PARN: variants seen among roughly 807,000 people sequenced by gnomAD.
The protein encoded by PARN is poly(A)-specific ribonuclease.
In PARN, 71 loss-of-function variants were observed where a neutral mutation model predicts 102.8. The ratio of observed to expected loss-of-function variants is 0.69; its 90% CI spans 0.57 to 0.84. The LOEUF is 0.84. Ranked by LOEUF, PARN falls within the 40% of genes least tolerant of loss-of-function variation. The pLI, the probability that PARN is intolerant of heterozygous loss-of-function variation, is 0.00. For missense variants in PARN, 782 were observed against 760.9 expected (o/e 1.03, Z -0.33); for synonymous variants, 261 against 252.9 (o/e 1.03, Z -0.30).
intron 22 of PARN, among the ~76,000 whole-genome samples, chr16:14,471,877 C>T (rs1962765492): frequency 6.6e-6 from 1 of 152,192 alleles, no homozygotes; most frequent in African/African-American, 2.4e-5. Flanking sequence ...TTACAATTTG[C>T]TTGAAGCAAA....
At chr16:14,537,794 G>A (rs780922518) in intron 21 of PARN, among the ~76,000 whole-genome samples, 1 of 152,120 alleles carries the variant, frequency 6.6e-6, no homozygotes, top group Non-Finnish European at 1.5e-5. Context: ...GGAAGAGGAG[G>A]ATAGAGAGAC....
intron 21 of PARN, among the ~76,000 whole-genome samples, chr16:14,544,117 G>A (rs547242592): frequency 3.3e-5 from 5 of 152,062 alleles, no homozygotes; most frequent in Admixed American, 2.6e-4. Context: ...GCTTGAACCC[G>A]GGAGGTGGAG....
intron 13 of PARN, among the ~76,000 whole-genome samples, chr16:14,588,416 C>T (rs775467801): frequency 4.6e-5 from 7 of 152,214 alleles, no homozygotes; most frequent in South Asian, 2.1e-4. Context: ...GTGACAGGAA[C>T]GGAGCCATAC....
chr16:14,514,948 G>A (rs1965387953), intron 21 of PARN, among the ~76,000 whole-genome samples: 1 of 152,166 alleles, frequency 6.6e-6, no homozygotes, highest in South Asian at 2.1e-4. Context: ...CAGATGCCAA[G>A]GTGAAGCTAA....
chr16:14,501,430 C>T, intron 21 of PARN: 1 of 8,034 alleles, frequency 1.2e-4, no homozygotes, highest in African/African-American at 3.4e-4. Flanking sequence ...CAAAGCAAGA[C>T]TGTCCAAAAA....
intron 22 of PARN, among the ~76,000 whole-genome samples, chr16:14,470,132 C>T (rs372448324): frequency 3.3e-5 from 5 of 151,946 alleles, no homozygotes; most frequent in African/African-American, 7.3e-5. Context: ...AACATGAAAG[C>T]GTTCTAACAC....
chr16:14,436,624 T>C lies in PARN; in HGVS notation c.*93A>G, dbSNP rs1195575978. On this transcript the variant is annotated 3_prime_UTR_variant, in exon 24 of 24. Coordinates refer to ENST00000437198, the MANE Select transcript of PARN (RefSeq NM_002582.4). The stretch of plus-strand genomic sequence containing the variant: ...GTTTCCAACCCCTCCCATACCACAT[T>C]TGATTAAGTTAAATACAGTGCGGCT... The C allele has an allele frequency of 3.3e-6, 3 of 901,066 alleles. No homozygotes were observed. In the African/African-American group the frequency reaches 5.0e-5, roughly 15 times the overall value. The allele number at this position is 901,066 out of a possible 1,614,324, so 55.8% of individuals were successfully genotyped here. A position where few individuals can be genotyped will look rare whatever the true frequency, so the allele number is the denominator to read the frequency against.
At position 14,606,526 on chromosome 16, in the gene PARN, C is replaced by T. The variant is rs1172010383; in HGVS notation, c.660G>A (p.Lys220=). Residue 220 remains lysine, a splice_region_variant and synonymous_variant, in exon 10 of 24, where the codon AAG becomes AAA. Coordinates refer to ENST00000437198, the MANE Select transcript of PARN (RefSeq NM_002582.4). ...RKLIYQTLSW[K]YPKGIHVETL... ...TCTCAACATGAATGCCTTTCGGATA[C>T]CTAAAGAAAAGAAAAACATAGTATC... 6.4e-7 allele frequency: 1 copy of T among 1,559,296 alleles called. No individual in the cohort carries two copies. Among genetic ancestry groups the T allele is most frequent in the Non-Finnish European group, 8.8e-7 (1 of 1,141,586 alleles).
intron 21 of PARN, among the ~76,000 whole-genome samples, chr16:14,498,122 CAA>C (rs34124932): frequency 2.5e-4 from 11 of 44,892 alleles, no homozygotes; most frequent in Admixed American, 2.1e-4. Flanking sequence ...GACTCCATCT[CAA>C]AAAAAAAAAA....
intron 23 of PARN, among the ~76,000 whole-genome samples, chr16:14,439,872 G>A (rs887710661): frequency 2.0e-5 from 3 of 152,072 alleles, no homozygotes; most frequent in African/African-American, 7.2e-5. Flanking sequence ...AAAATTAGCT[G>A]GGCGTGGTGG....
chr16:14,515,460 G>A (rs1965412931), intron 21 of PARN, among the ~76,000 whole-genome samples: 1 of 152,026 alleles, frequency 6.6e-6, no homozygotes, highest in South Asian at 2.1e-4. Flanking sequence ...GCAGTAAAAA[G>A]AAAGGAAAAC....
intron 21 of PARN, among the ~76,000 whole-genome samples, chr16:14,490,541 G>A (rs994900114): frequency 2.0e-5 from 3 of 152,130 alleles, no homozygotes; most frequent in Non-Finnish European, 4.4e-5. Flanking sequence ...TGTGTGCCAA[G>A]AGTGGCCTCT....
At chr16:14,482,009 A>G (rs1446382446) in intron 22 of PARN, among the ~76,000 whole-genome samples, 1 of 152,200 alleles carries the variant, frequency 6.6e-6, no homozygotes, top group African/African-American at 2.4e-5. Context: ...GCAAGGGATC[A>G]GACACACACA....
chr16:14,466,666 C>T (rs1056968381), intron 22 of PARN, among the ~76,000 whole-genome samples: 1 of 152,216 alleles, frequency 6.6e-6, no homozygotes, highest in Non-Finnish European at 1.5e-5. Context: ...AAAATGTCCT[C>T]CCATCTATCC....
chr16:14,445,650 C>G (rs751492008), intron 23 of PARN, among the ~76,000 whole-genome samples: 6 of 152,216 alleles, frequency 3.9e-5, no homozygotes, highest in Non-Finnish European at 7.3e-5. Flanking sequence ...TAGCCTTGAC[C>G]TCCCTGGGCT....
chr16:14,564,849 T>A (rs975307461), intron 18 of PARN, among the ~76,000 whole-genome samples: 9 of 152,114 alleles, frequency 5.9e-5, no homozygotes, highest in African/African-American at 2.2e-4. Flanking sequence ...ACACTTCCGA[T>A]TTCTCAAAAA....
intron 22 of PARN, among the ~76,000 whole-genome samples, chr16:14,473,937 C>T (rs1962895641): frequency 6.6e-6 from 1 of 152,170 alleles, no homozygotes; most frequent in Non-Finnish European, 1.5e-5. Context: ...CTTCTAAAAA[C>T]TTCTAGTATA....
At chr16:14,630,076 G>C in intron 1 of PARN, 31 bp downstream of exon 1, 1 of 1,547,228 alleles carries the variant, frequency 6.5e-7, no homozygotes, top group Non-Finnish European at 8.8e-7. Flanking sequence ...CCGGGTGTGG[G>C]GAGGCGGGGA....
At chr16:14,619,587 C>T (rs1972159576) in intron 5 of PARN, among the ~76,000 whole-genome samples, 1 of 151,918 alleles carries the variant, frequency 6.6e-6, no homozygotes, top group Admixed American at 6.6e-5. Flanking sequence ...CATAGGGAGA[C>T]CCATCTCTAC....
Sources: gnomAD v4.1 joint callset for allele counts (sites outside exome capture counted in the v4.1 genomes callset) on GRCh38, gnomAD v4.1.1 for gene constraint, MANE v1.5 for transcripts, NCBI Gene and HGNC (gene_info 2026-07-23, HGNC 2026-07-21) for gene names.